Variants in UNC5C observed in about 807,000 individuals in gnomAD.
UNC5C encodes the protein netrin receptor UNC5C.
In UNC5C, 47 loss-of-function variants were observed where a neutral mutation model predicts 99.8. That is an observed-to-expected ratio of 0.47 (90% CI 0.37 to 0.60). The LOEUF is 0.60. UNC5C is among the 20% of genes least tolerant of loss of function. UNC5C has a pLI of 0.00. For synonymous variants in UNC5C, 487 were observed against 452.2 expected (o/e 1.08, Z -0.98); for missense variants, 1,062 against 1,165.9 (o/e 0.91, Z 1.30).
At chr4:95,453,401 T>C (rs187150877) in intron 1 of UNC5C, among the ~76,000 whole-genome samples, 96 of 151,732 alleles carry the variant, frequency 6.3e-4, no homozygotes, top group African/African-American at 2.3e-3. Flanking sequence ...ACAATAAGTA[T>C]ATTCTGGAGC....
chr4:95,439,393 T>TG (rs1553972862), intron 1 of UNC5C, among the ~76,000 whole-genome samples: 11 of 151,774 alleles, frequency 7.2e-5, no homozygotes, highest in African/African-American at 2.2e-4. Flanking sequence ...GTTTTTTTTT[T>TG]TTTGTTTCCT....
intron 2 of UNC5C, among the ~76,000 whole-genome samples, chr4:95,305,103 A>G (rs1252347362): frequency 6.6e-6 from 1 of 152,202 alleles, no homozygotes; most frequent in Non-Finnish European, 1.5e-5. Flanking sequence ...TTTTGTATTC[A>G]GCTTCACAGA....
chr4:95,261,160 T>C (rs1329069289), intron 4 of UNC5C, among the ~76,000 whole-genome samples: 1 of 152,084 alleles, frequency 6.6e-6, no homozygotes, highest in African/African-American at 2.4e-5. Flanking sequence ...TGGAAAAAGC[T>C]GGGACACCAA....
intron 2 of UNC5C, among the ~76,000 whole-genome samples, chr4:95,324,524 T>C (rs1461061961): frequency 6.6e-6 from 1 of 152,158 alleles, no homozygotes; most frequent in Non-Finnish European, 1.5e-5. Context: ...TGCGGAAAAA[T>C]TGTTTTCCAT....
chr4:95,513,929 C>T (rs373575461), intron 1 of UNC5C, among the ~76,000 whole-genome samples: 8 of 152,114 alleles, frequency 5.3e-5, no homozygotes, highest in African/African-American at 1.9e-4. Context: ...TTCTTTTAAA[C>T]TTTAAAGCCC....
At chr4:95,189,528 G>C (rs1736980328) in intron 12 of UNC5C, among the ~76,000 whole-genome samples, 1 of 152,150 alleles carries the variant, frequency 6.6e-6, no homozygotes, top group African/African-American at 2.4e-5. Flanking sequence ...CACAGCAAAA[G>C]AAACTACCAT....
intron 1 of UNC5C, among the ~76,000 whole-genome samples, chr4:95,398,299 C>A (rs1267192753): frequency 6.6e-6 from 1 of 151,808 alleles, no homozygotes; most frequent in Non-Finnish European, 1.5e-5. Context: ...TTCATTTTAC[C>A]AAAGTTGAAA....
intron 2 of UNC5C, among the ~76,000 whole-genome samples, chr4:95,324,352 T>A (rs1277392232): frequency 6.6e-6 from 1 of 152,192 alleles, no homozygotes; most frequent in African/African-American, 2.4e-5. Context: ...CACCCCCAGA[T>A]AGGACTGTTG....
chr4:95,493,912 AT>A (rs1325811506), intron 1 of UNC5C, among the ~76,000 whole-genome samples: 3 of 151,496 alleles, frequency 2.0e-5, no homozygotes, highest in African/African-American at 7.3e-5. Context: ...TACAGTTAAT[AT>A]TCTCTATCAA....
chr4:95,442,835 CAT>C (rs1261818598), intron 1 of UNC5C, among the ~76,000 whole-genome samples: 12 of 142,854 alleles, frequency 8.4e-5, no homozygotes, highest in African/African-American at 3.0e-4. Flanking sequence ...CACACACACA[CAT>C]ACACACACAA....
intron 1 of UNC5C, among the ~76,000 whole-genome samples, chr4:95,515,025 C>T (rs954254224): frequency 1.3e-5 from 2 of 152,094 alleles, no homozygotes; most frequent in Non-Finnish European, 2.9e-5. Context: ...TCTCCATCTC[C>T]ATAATGAAAG....
chr4:95,217,244 T>G (rs904554510), intron 9 of UNC5C, among the ~76,000 whole-genome samples: 12 of 152,310 alleles, frequency 7.9e-5, no homozygotes, highest in Admixed American at 7.8e-4. Flanking sequence ...TGGGGCAATA[T>G]GAAAACTTGC....
At chr4:95,259,041 G>A (rs1478373049) in intron 4 of UNC5C, among the ~76,000 whole-genome samples, 2 of 151,850 alleles carry the variant, frequency 1.3e-5, no homozygotes, top group Admixed American at 1.3e-4. Context: ...GATTACAGGC[G>A]TGAGCCACCG....
intron 1 of UNC5C, among the ~76,000 whole-genome samples, chr4:95,443,466 G>T (rs534554832): frequency 6.6e-6 from 1 of 152,014 alleles, no homozygotes; most frequent in Non-Finnish European, 1.5e-5. Flanking sequence ...AATGACTGAG[G>T]GTCTCTGTTA....
intron 3 of UNC5C, among the ~76,000 whole-genome samples, chr4:95,285,849 A>AT (rs1190826635): frequency 1.3e-5 from 2 of 152,116 alleles, no homozygotes; most frequent in Non-Finnish European, 2.9e-5. Flanking sequence ...ATATCAACCT[A>AT]TTTTTTATTG....
At chr4:95,419,921 A>G (rs1419182254) in intron 1 of UNC5C, among the ~76,000 whole-genome samples, 1 of 152,190 alleles carries the variant, frequency 6.6e-6, no homozygotes, top group Non-Finnish European at 1.5e-5. Flanking sequence ...TTACAGAAAT[A>G]GACAGGATGG....
intron 4 of UNC5C, among the ~76,000 whole-genome samples, chr4:95,252,258 T>A (rs989848134): frequency 1.3e-5 from 2 of 152,208 alleles, no homozygotes; most frequent in African/African-American, 4.8e-5. Flanking sequence ...TTGAAATTAA[T>A]AGTTTTTGAG....
chr4:95,458,440 T>C (rs1345137798), intron 1 of UNC5C, among the ~76,000 whole-genome samples: 1 of 152,086 alleles, frequency 6.6e-6, no homozygotes, highest in Admixed American at 6.6e-5. Context: ...TCTTTTTTCA[T>C]GGAGCTGACA....
intron 3 of UNC5C, among the ~76,000 whole-genome samples, chr4:95,278,795 A>G (rs1413354126): frequency 6.6e-6 from 1 of 151,960 alleles, no homozygotes. Context: ...TTTTTGTTTA[A>G]CCACATGTTG....
Sources: gnomAD v4.1 joint callset for allele counts (sites outside exome capture counted in the v4.1 genomes callset) on GRCh38, gnomAD v4.1.1 for gene constraint, MANE v1.5 for transcripts, NCBI Gene and HGNC (gene_info 2026-07-23, HGNC 2026-07-21) for gene names.